The following MAP3K15 variants were observed in gnomAD, a reference collection of about 807,000 sequenced individuals.
MAP3K15 encodes MAPK/ERK kinase kinase 15.
A neutral mutation model predicts 99.5 loss-of-function variants in MAP3K15; 124 were observed. The observed-to-expected ratio is 1.25, with a 90% CI of 1.08 to 1.45. MAP3K15 has a LOEUF of 1.45. Ranked by LOEUF, MAP3K15 falls within the 40% of genes most tolerant of loss-of-function variation. The pLI, the probability that MAP3K15 is intolerant of heterozygous loss-of-function variation, is 0.00. For synonymous variants in MAP3K15, 494 were observed against 439.6 expected (o/e 1.12, Z -1.55); for missense variants, 1,242 against 1,079.7 (o/e 1.15, Z -2.11).
chrX:19,480,562 TC>T (rs1447179381), intron 3 of MAP3K15, among the ~76,000 whole-genome samples: 1 of 105,894 alleles, frequency 9.4e-6, no homozygotes, highest in Non-Finnish European at 1.9e-5. Flanking sequence ...TGCCTGTAAT[TC>T]CAGCACTTTT....
intron 9 of MAP3K15, among the ~76,000 whole-genome samples, chrX:19,416,202 G>C (rs1015203800): frequency 1.8e-5 from 2 of 111,237 alleles, no homozygotes; most frequent in East Asian, 2.8e-4. Context: ...GCGGTGGCAG[G>C]CGTCTATAGT....
At chrX:19,390,483 A>G (rs1244211271) in intron 18 of MAP3K15, among the ~76,000 whole-genome samples, 21 of 102,665 alleles carry the variant, frequency 2.0e-4, no homozygotes, top group African/African-American at 7.4e-4. Flanking sequence ...AATAATTACT[A>G]TATAATATAT....
chrX:19,417,801 C>A (rs187527647), intron 9 of MAP3K15, among the ~76,000 whole-genome samples: 30 of 112,140 alleles, frequency 2.7e-4, no homozygotes, highest in East Asian at 8.5e-4. Flanking sequence ...CCAGTAGGGG[C>A]AGACTGACAC....
intron 1 of MAP3K15, among the ~76,000 whole-genome samples, chrX:19,507,030 G>A (rs1361695488): frequency 8.9e-6 from 1 of 112,134 alleles, no homozygotes. Flanking sequence ...ACAGGTATGG[G>A]AAGATCACTT....
intron 18 of MAP3K15, among the ~76,000 whole-genome samples, chrX:19,389,317 A>G (rs1227847207): frequency 1.8e-5 from 2 of 109,085 alleles, no homozygotes; most frequent in Non-Finnish European, 3.8e-5. Context: ...AAAAAAAAAA[A>G]AAAAGGCAGG....
chrX:19,377,496 A>C (rs1315781529), intron 19 of MAP3K15, among the ~76,000 whole-genome samples: 5 of 110,936 alleles, frequency 4.5e-5, no homozygotes, highest in Non-Finnish European at 7.6e-5. Flanking sequence ...GTGAGCCAAG[A>C]TTGTGCCACT....
chrX:19,379,299 T>C (rs2063441240), intron 19 of MAP3K15, among the ~76,000 whole-genome samples: 1 of 109,918 alleles, frequency 9.1e-6, no homozygotes, highest in Non-Finnish European at 1.9e-5. Flanking sequence ...TTTTTCTTTT[T>C]TTTTTTTAAA....
At chrX:19,424,245 CATATATAT>C (rs1426111598) in intron 9 of MAP3K15, among the ~76,000 whole-genome samples, 46 of 106,891 alleles carry the variant, frequency 4.3e-4, no homozygotes, top group African/African-American at 1.5e-3. Context: ...CATATATATA[CATATATAT>C]ACACATATAT....
chrX:19,374,951 C>T (rs917982929), intron 19 of MAP3K15, among the ~76,000 whole-genome samples: 14 of 111,156 alleles, frequency 1.3e-4, no homozygotes, highest in African/African-American at 2.0e-4. Flanking sequence ...CCCTTAAAGC[C>T]CCGAGACCAC....
At chrX:19,487,264 C>T (rs769246250) in intron 2 of MAP3K15, among the ~76,000 whole-genome samples, 2 of 110,755 alleles carry the variant, frequency 1.8e-5, no homozygotes, top group East Asian at 5.6e-4. Context: ...AACTGACTAC[C>T]CATTTCCATT....
intron 26 of MAP3K15, among the ~76,000 whole-genome samples, chrX:19,362,391 C>G (rs1187333660): frequency 9.1e-6 from 1 of 109,343 alleles, no homozygotes; most frequent in Non-Finnish European, 1.9e-5. Context: ...ATCCACCAAG[C>G]CCAGCTGGTT....
intron 3 of MAP3K15, among the ~76,000 whole-genome samples, chrX:19,466,853 T>C (rs775076393): frequency 8.5e-4 from 95 of 112,081 alleles, no homozygotes; most frequent in African/African-American, 3.0e-3. Flanking sequence ...AAGACAACCA[T>C]AACTGATGAA....
In MAP3K15 at chrX:19,360,803, C is replaced by A; in HGVS notation, c.3888G>T (p.Ala1296=). The A allele has an allele frequency of 1.7e-6, 2 of 1,208,762 alleles. No individual in the cohort carries two copies. Among genetic ancestry groups the A allele is most frequent in the South Asian group, 3.5e-5 (2 of 56,607 alleles). ...RGGLLCRLWS[A]VSQYRRAQEA... ...CCTGAGCCCTTCTGTACTGGGAGAC[C>A]GCACTCCAGAGTCTGCAGAGGAGAC... The change falls in exon 29 of 29, where the codon GCG becomes GCT. Residue 1296 remains alanine, a synonymous_variant. Coordinates refer to ENST00000338883, the MANE Select transcript of MAP3K15 (RefSeq NM_001001671.4).
chrX:19,504,767 C>G (rs2043988364), intron 1 of MAP3K15, among the ~76,000 whole-genome samples: 1 of 110,465 alleles, frequency 9.1e-6, no homozygotes, highest in African/African-American at 3.3e-5. Flanking sequence ...AGTTCAAGAC[C>G]AGCCTGGGCA....
At chrX:19,417,962 C>A (rs948635548) in intron 9 of MAP3K15, among the ~76,000 whole-genome samples, 1 of 112,383 alleles carries the variant, frequency 8.9e-6, no homozygotes, top group Non-Finnish European at 1.9e-5. Context: ...CAAACTCCAA[C>A]AGACCTGCAG....
At chrX:19,486,011 AGAAG>A (rs1289350872) in intron 3 of MAP3K15, among the ~76,000 whole-genome samples, 3 of 112,255 alleles carry the variant, frequency 2.7e-5, no homozygotes, top group Non-Finnish European at 5.6e-5. Flanking sequence ...TAAATGGGAC[AGAAG>A]GAAGTAGAAT....
chrX:19,474,797 C>A (rs1023188248), intron 3 of MAP3K15, among the ~76,000 whole-genome samples: 2 of 111,198 alleles, frequency 1.8e-5, no homozygotes, highest in Non-Finnish European at 3.8e-5. Flanking sequence ...TTAAGATCTG[C>A]TGTTTGATCT....
At chrX:19,455,513 ATTTTTTT>A (rs755405077) in intron 6 of MAP3K15, among the ~76,000 whole-genome samples, 32 of 65,716 alleles carry the variant, frequency 4.9e-4, no homozygotes, top group African/African-American at 3.1e-3. Flanking sequence ...TGCCTGGCTA[ATTTTTTT>A]TTTTTTTTTT....
rs890057869 is a variant in MAP3K15, at chrX:19,476,242, G to C, written c.525+10240C>G. 3.6e-5 allele frequency among the ~76,000 whole-genome samples: 4 copies of C among 111,940 alleles called. No individual in the cohort carries two copies. The East Asian group carries it at 8.4e-4, about 23-fold the overall frequency. On this transcript the variant is annotated intron_variant, in intron 3 of 28. Transcript: ENST00000338883. ...AAAGCCACTTAACACTACTCAAGAT[G>C]AACTGATTTCTGAGCACTTTCAGAA...
Sources: gnomAD v4.1 joint callset for allele counts (sites outside exome capture counted in the v4.1 genomes callset) on GRCh38, gnomAD v4.1.1 for gene constraint, MANE v1.5 for transcripts, NCBI Gene and HGNC (gene_info 2026-07-23, HGNC 2026-07-21) for gene names.